Variants in MEGF6 observed in about 807,000 individuals in gnomAD.
MEGF6 encodes multiple epidermal growth factor-like domains protein 6.
Under a neutral mutation model 207.1 loss-of-function variants are expected in MEGF6, and 184 were observed. That is an observed-to-expected ratio of 0.89 (90% CI 0.79 to 1.00). The LOEUF (loss-of-function observed/expected upper bound fraction) is 1.00, where lower values mean the gene tolerates loss of function less well. Among genes scored for constraint, MEGF6 ranks in the 50% least tolerant of loss-of-function variants. MEGF6 has a pLI of 0.00. For missense variants in MEGF6, 2,282 were observed against 2,202.9 expected (o/e 1.04, Z -0.72); for synonymous variants, 1,038 against 910.0 (o/e 1.14, Z -2.53).
chr1:3,566,072 G>A (rs747515362), intron 4 of MEGF6, among the ~76,000 whole-genome samples: 1 of 152,208 alleles, frequency 6.6e-6, no homozygotes, highest in Non-Finnish European at 1.5e-5. Flanking sequence ...CTGGGTAGCA[G>A]ACCCCTGAGG....
chr1:3,527,718 G>A lies in MEGF6; in HGVS notation c.482-3472C>T, dbSNP rs889173826. Among the ~76,000 whole-genome samples the A allele has an allele frequency of 9.8e-5, 15 of 152,324 alleles. No individual in the cohort carries two copies. The East Asian group carries it at 2.1e-3, about 22-fold the overall frequency. On this transcript the variant is annotated intron_variant, in intron 4 of 36. Transcript: ENST00000356575. Reference sequence around the variant, plus strand: ...TCATGCCCACTGGGCAGGGCAGTGTGGGTGGCACCCACCTGAAGGGCTCAG... The same window carrying A: ...TCATGCCCACTGGGCAGGGCAGTGTAGGTGGCACCCACCTGAAGGGCTCAG...
chr1:3,514,714 C>T lies in MEGF6; in HGVS notation c.731-42G>A, dbSNP rs748360408. On this transcript the variant is annotated intron_variant, in intron 6 of 36. Coordinates refer to ENST00000356575, the MANE Select transcript of MEGF6 (RefSeq NM_001409.4). ...GAGGAGGGGGTTGGGGAGAGGGGAC[C>T]CCAGTGGCTGCAGGGCGCCTGCCCC... The T allele has an allele frequency of 9.9e-6, 15 of 1,520,690 alleles. No individual in the cohort carries two copies. In the African/African-American group the frequency reaches 1.5e-4, roughly 15 times the overall value. 94.2% of individuals were successfully genotyped at this position (1,520,690 alleles called of 1,614,324 possible). A position where few individuals can be genotyped will look rare whatever the true frequency, so the allele number is the denominator to read the frequency against.
intron 3 of MEGF6, among the ~76,000 whole-genome samples, chr1:3,582,005 G>T (rs548625404): frequency 6.6e-6 from 1 of 151,368 alleles, no homozygotes; most frequent in South Asian, 2.1e-4. Flanking sequence ...GAAAATCCCA[G>T]CCAGATCCAG....
In MEGF6 at chr1:3,511,545, C is replaced by A. The variant is rs370170206; in HGVS notation, c.1114+5G>T. 1.2e-6 allele frequency: 2 copies of A among 1,601,492 alleles called. No homozygotes were observed. The highest frequency in any genetic ancestry group is 1.1e-5 in the South Asian group (1 of 90,454). On this transcript the variant is annotated splice_donor_5th_base_variant and intron_variant, in intron 9 of 36. Transcript: ENST00000356575. ...TGCAGGCATCTGGGAGGAGCCAGTG[C>A]GCACCGATGCAGGTCCTCTGATCTG...
chr1:3,514,023 C>T (rs1444404436), intron 7 of MEGF6, among the ~76,000 whole-genome samples: 6 of 152,002 alleles, frequency 3.9e-5, no homozygotes, highest in East Asian at 3.9e-4. Flanking sequence ...CCGAGGCGGG[C>T]GGATCACAAG....
rs1056077132 is a variant in MEGF6, at chr1:3,506,199, C to T, written c.1827G>A (p.Lys609=). ...PKGYYGKHCR[K]KCNCANRGRC... is the part of the protein sequence containing the mutation. ...GGCCCCGGTTGGCACAGTTGCATTT[C>T]TTGCGACAGTGCTTGCCATAGTAGC... The change falls in exon 15 of 37, where the codon AAG becomes AAA. Residue 609 remains lysine, a synonymous_variant. Transcript: ENST00000356575. 6.2e-7 allele frequency: 1 copy of T among 1,605,988 alleles called. No individual in the cohort carries two copies. Among genetic ancestry groups the T allele is most frequent in the Non-Finnish European group, 8.5e-7 (1 of 1,176,400 alleles).
At chr1:3,597,857 C>A (rs1644093085) in intron 2 of MEGF6, among the ~76,000 whole-genome samples, 1 of 152,234 alleles carries the variant, frequency 6.6e-6, no homozygotes, top group Non-Finnish European at 1.5e-5. Flanking sequence ...GGGCTCACTG[C>A]AGCAGTGGCA....
At chr1:3,526,501 G>A (rs1018614672) in intron 4 of MEGF6, among the ~76,000 whole-genome samples, 6 of 151,518 alleles carry the variant, frequency 4.0e-5, no homozygotes, top group South Asian at 2.1e-4. Context: ...AGGTTCAAGC[G>A]GTTCTCCCTG....
intron 4 of MEGF6, among the ~76,000 whole-genome samples, chr1:3,549,604 T>C (rs1173569603): frequency 3.3e-5 from 5 of 152,142 alleles, no homozygotes; most frequent in Non-Finnish European, 5.9e-5. Context: ...GGTCCATCAA[T>C]TCACCGAAGA....
At chr1:3,596,049 G>C (rs1644059630) in intron 2 of MEGF6, among the ~76,000 whole-genome samples, 1 of 152,130 alleles carries the variant, frequency 6.6e-6, no homozygotes, top group Non-Finnish European at 1.5e-5. Flanking sequence ...GCTGAGCTGG[G>C]GAGACAGAGG....
Position 3,611,248 on chromosome 1 carries a change from C to A in MEGF6, c.21G>T (p.Ala7=), listed in dbSNP as rs1389003645. Residue 7 remains alanine, a synonymous_variant, in exon 1 of 37, where the codon GCG becomes GCT. Coordinates refer to ENST00000356575, the MANE Select transcript of MEGF6 (RefSeq NM_001409.4). ...GGACCACCGCGCGCCCCGCTGCCCT[C>A]GCCTCTTCAAGGAACGACATCGTGC... MSFLEE[A]RAAGRAVVLA... 4 of 1,520,384 alleles carry A rather than the reference C, an allele frequency of 2.6e-6. No individual in the cohort carries two copies. The South Asian group carries it at 3.7e-5, about 14-fold the overall frequency. 94.2% of individuals were successfully genotyped at this position (1,520,384 alleles called of 1,614,324 possible).
At chr1:3,512,671 G>A (rs970732336) in intron 7 of MEGF6, among the ~76,000 whole-genome samples, 2 of 152,248 alleles carry the variant, frequency 1.3e-5, no homozygotes, top group Non-Finnish European at 2.9e-5. Flanking sequence ...CGCTATCGAC[G>A]TGAGGTGTGA....
At chr1:3,492,252 G>C (rs1640404915) in intron 35 of MEGF6, among the ~76,000 whole-genome samples, 1 of 152,182 alleles carries the variant, frequency 6.6e-6, no homozygotes, top group South Asian at 2.1e-4. Context: ...TGTATGGGGG[G>C]CAGGAGGGGC....
chr1:3,512,243 C>G, intron 7 of MEGF6, 115 bp from the exon 8 acceptor site: 1 of 1,396,916 alleles, frequency 7.2e-7, no homozygotes, highest in Non-Finnish European at 9.7e-7. Context: ...CCGCATGACA[C>G]AGGCATTCAA....
intron 3 of MEGF6, among the ~76,000 whole-genome samples, chr1:3,590,505 C>G (rs561636059): frequency 6.6e-6 from 1 of 152,224 alleles, no homozygotes; most frequent in Non-Finnish European, 1.5e-5. Flanking sequence ...CCGCCCCGCC[C>G]GGCACTAAGT....
At chr1:3,543,266 C>T (rs988832393) in intron 4 of MEGF6, among the ~76,000 whole-genome samples, 1 of 152,184 alleles carries the variant, frequency 6.6e-6, no homozygotes, top group African/African-American at 2.4e-5. Flanking sequence ...GGGCCCACCC[C>T]ATCAACTTGG....
At chr1:3,534,211 G>C (rs1642258933) in intron 4 of MEGF6, among the ~76,000 whole-genome samples, 1 of 152,198 alleles carries the variant, frequency 6.6e-6, no homozygotes. Flanking sequence ...CACCTTCTCA[G>C]TCAGTATGTT....
chr1:3,609,315 A>C (rs1644294591), intron 1 of MEGF6, among the ~76,000 whole-genome samples: 1 of 152,190 alleles, frequency 6.6e-6, no homozygotes, highest in South Asian at 2.1e-4. Flanking sequence ...TCCAGGGTCC[A>C]GCGCAGGGTC....
upstream of MEGF6, among the ~76,000 whole-genome samples, chr1:3,614,664 C>T (rs1483666677): frequency 1.3e-5 from 2 of 152,248 alleles, no homozygotes; most frequent in Non-Finnish European, 1.5e-5. Flanking sequence ...TTTTCCTCTG[C>T]AGTTCCCTCC....
Sources: gnomAD v4.1 joint callset for allele counts (sites outside exome capture counted in the v4.1 genomes callset) on GRCh38, gnomAD v4.1.1 for gene constraint, MANE v1.5 for transcripts, NCBI Gene and HGNC (gene_info 2026-07-23, HGNC 2026-07-21) for gene names.